CLEC16A: variants seen among roughly 807,000 people sequenced by gnomAD.
The protein encoded by CLEC16A is C-type lectin domain containing 16A, also known as protein CLEC16A.
Under a neutral mutation model 109.5 loss-of-function variants are expected in CLEC16A, and 51 were observed. The ratio of observed to expected loss-of-function variants is 0.47; its 90% CI spans 0.37 to 0.59. The LOEUF is 0.59. Ranked by LOEUF, CLEC16A falls within the 20% of genes least tolerant of loss-of-function variation. The pLI is 0.00. For synonymous variants in CLEC16A, 673 were observed against 564.2 expected, an observed-to-expected ratio of 1.19 and a Z score of -2.73; for missense variants, 1,339 against 1,394.0, an observed-to-expected ratio of 0.96 and a Z score of 0.63.
intron 10 of CLEC16A, among the ~76,000 whole-genome samples, chr16:11,002,631 C>G (rs571765534): frequency 3.3e-5 from 5 of 152,216 alleles, no homozygotes; most frequent in African/African-American, 9.6e-5. Context: ...CAAACACCCT[C>G]CCATCATCCA....
chr16:11,074,501 G>T (rs936116656), intron 19 of CLEC16A, among the ~76,000 whole-genome samples: 8 of 152,186 alleles, frequency 5.3e-5, no homozygotes, highest in Non-Finnish European at 8.8e-5. Flanking sequence ...AAAGGAGAGG[G>T]TGATGTAGCT....
intron 19 of CLEC16A, among the ~76,000 whole-genome samples, chr16:11,103,894 C>G (rs1455575253): frequency 6.6e-6 from 1 of 152,180 alleles, no homozygotes; most frequent in African/African-American, 2.4e-5. Context: ...CACAACTGGC[C>G]TATGTCGGAG....
chr16:11,107,302 A>G (rs1201219962), intron 19 of CLEC16A, among the ~76,000 whole-genome samples: 4 of 152,002 alleles, frequency 2.6e-5, no homozygotes, highest in Non-Finnish European at 5.9e-5. Flanking sequence ...GGCAGTAGAA[A>G]GGTGCCAAGA....
intron 19 of CLEC16A, among the ~76,000 whole-genome samples, chr16:11,108,738 T>C (rs1191723596): frequency 6.6e-6 from 1 of 152,178 alleles, no homozygotes; most frequent in African/African-American, 2.4e-5. Context: ...TCTGGGACCA[T>C]GTCAAGTGGA....
chr16:10,962,344 C>A, intron 2 of CLEC16A, 111 bp from the exon 3 acceptor site: 1 of 1,331,276 alleles, frequency 7.5e-7, no homozygotes, highest in Non-Finnish European at 1.1e-6. Context: ...TGTGCAGATA[C>A]CTTGGGGGAG....
intron 18 of CLEC16A, among the ~76,000 whole-genome samples, chr16:11,053,673 CAG>C (rs1441508317): frequency 6.6e-6 from 1 of 152,134 alleles, no homozygotes; most frequent in Non-Finnish European, 1.5e-5. Flanking sequence ...GCCCTGTCCA[CAG>C]GGGAAGAAAT....
chr16:11,065,447 C>T (rs1462522256), intron 19 of CLEC16A, among the ~76,000 whole-genome samples: 1 of 152,192 alleles, frequency 6.6e-6, no homozygotes, highest in Non-Finnish European at 1.5e-5. Context: ...TCAATGAAGA[C>T]CCATTCATGC....
intron 19 of CLEC16A, among the ~76,000 whole-genome samples, chr16:11,106,390 G>A (rs530035191): frequency 6.6e-6 from 1 of 151,720 alleles, no homozygotes; most frequent in East Asian, 1.9e-4. Context: ...CTGGGCCCGA[G>A]TGAGCTTCCC....
chr16:11,000,295 C>A (rs546283338), intron 10 of CLEC16A, among the ~76,000 whole-genome samples: 2 of 152,178 alleles, frequency 1.3e-5, no homozygotes, highest in Admixed American at 6.5e-5. Flanking sequence ...TATTTCACTT[C>A]GTCAGTTCTG....
rs78884847 is a variant in CLEC16A at position 10,994,768 on chromosome 16, T to A, written c.1072-8306T>A. 4.5e-3 allele frequency among the ~76,000 whole-genome samples: 684 copies of A among 152,332 alleles called. 5 individuals carry two copies. The highest frequency in any genetic ancestry group is 0.031 in the Middle Eastern group (9 of 294). ...ATAATTGTCAGGCTAGAGGACCACC[T>A]GTTGAGTGATGCATAAACTGTCACT... On this transcript the variant is annotated intron_variant, in intron 10 of 23. Coordinates refer to ENST00000409790, the MANE Select transcript of CLEC16A (RefSeq NM_015226.3).
chr16:11,028,250 A>C (rs2046535984), intron 13 of CLEC16A, among the ~76,000 whole-genome samples: 1 of 152,192 alleles, frequency 6.6e-6, no homozygotes. Flanking sequence ...CTCTCATCAG[A>C]GTCTAGTTCC....
At chr16:11,120,047 G>A (rs936269459) in intron 19 of CLEC16A, among the ~76,000 whole-genome samples, 1 of 152,162 alleles carries the variant, frequency 6.6e-6, no homozygotes, top group African/African-American at 2.4e-5. Flanking sequence ...TTGGCTCACT[G>A]CAACCTCCAC....
chr16:11,045,289 A>G (rs2047576761), intron 16 of CLEC16A, among the ~76,000 whole-genome samples: 1 of 152,156 alleles, frequency 6.6e-6, no homozygotes, highest in Admixed American at 6.5e-5. Context: ...CAAAGCTTGC[A>G]GTGAGCTGAG....
intron 19 of CLEC16A, among the ~76,000 whole-genome samples, chr16:11,102,152 T>A (rs182853608): frequency 1.9e-4 from 29 of 152,252 alleles, no homozygotes; most frequent in Admixed American, 4.6e-4. Flanking sequence ...GAAAAATAGT[T>A]TGAGATTCTC....
chr16:11,090,890 G>A lies in CLEC16A; in HGVS notation c.2117-29725G>A, dbSNP rs1314808891. On this transcript the variant is annotated intron_variant, in intron 19 of 23. Transcript: ENST00000409790. Reference sequence around the variant, plus strand: ...TTGCCTTGTTGGCCAGGCTCGTCTTGAACTCCTGACCTCAAGTAATCCACC... The same window carrying A: ...TTGCCTTGTTGGCCAGGCTCGTCTTAAACTCCTGACCTCAAGTAATCCACC... 3.2e-5 allele frequency among the ~76,000 whole-genome samples: 4 copies of A among 125,602 alleles called. No individual in the cohort carries two copies. The East Asian group carries it at 7.4e-4, about 23-fold the overall frequency. The allele number at this position is 125,602 out of a possible 152,430, so 82.4% of individuals were successfully genotyped here.
At chr16:11,078,765 A>G (rs2049533075) in intron 19 of CLEC16A, among the ~76,000 whole-genome samples, 2 of 152,162 alleles carry the variant, frequency 1.3e-5, no homozygotes, top group South Asian at 2.1e-4. Flanking sequence ...AGGGGCGCTC[A>G]AGGGATAGGC....
chr16:10,978,042 C>T (rs1257671758), intron 8 of CLEC16A, among the ~76,000 whole-genome samples: 1 of 152,170 alleles, frequency 6.6e-6, no homozygotes, highest in Non-Finnish European at 1.5e-5. Flanking sequence ...TGGTAGTTGC[C>T]AGAACCCACT....
At chr16:10,971,781 C>A (rs1432950997) in intron 5 of CLEC16A, among the ~76,000 whole-genome samples, 2 of 152,222 alleles carry the variant, frequency 1.3e-5, no homozygotes, top group African/African-American at 4.8e-5. Context: ...GCTGCACTGA[C>A]ACAAAGGCTG....
chr16:11,004,353 T>C (rs1483522977), intron 11 of CLEC16A, among the ~76,000 whole-genome samples: 1 of 152,194 alleles, frequency 6.6e-6, no homozygotes, highest in Non-Finnish European at 1.5e-5. Flanking sequence ...GGGAGCTTGA[T>C]ACTTGGTAGA....
Sources: gnomAD v4.1 joint callset for allele counts (sites outside exome capture counted in the v4.1 genomes callset) on GRCh38, gnomAD v4.1.1 for gene constraint, MANE v1.5 for transcripts, NCBI Gene and HGNC (gene_info 2026-07-23, HGNC 2026-07-21) for gene names.